Variants in ANKDD1B observed in about 807,000 individuals in gnomAD.
ANKDD1B encodes ankyrin repeat and death domain-containing protein 1B.
In ANKDD1B, 57 loss-of-function variants were observed where a neutral mutation model predicts 59.7. The ratio of observed to expected loss-of-function variants is 0.95; its 90% CI spans 0.77 to 1.19. The LOEUF (loss-of-function observed/expected upper bound fraction) is 1.19, where lower values mean the gene tolerates loss of function less well. Ranked by LOEUF, ANKDD1B falls within the 50% of genes most tolerant of loss-of-function variation. The probability of loss-of-function intolerance (pLI) is 0.00; values close to 1 mark genes in which losing one functional copy is unlikely to be tolerated. For synonymous variants in ANKDD1B, 216 were observed against 239.5 expected, an observed-to-expected ratio of 0.90 and a Z score of 0.91; for missense variants, 602 against 641.9, an observed-to-expected ratio of 0.94 and a Z score of 0.67.
chr5:75,663,990 C>G (rs1252463197), intron 11 of ANKDD1B, among the ~76,000 whole-genome samples: 2 of 152,198 alleles, frequency 1.3e-5, no homozygotes, highest in African/African-American at 2.4e-5. Context: ...TTTTGCTGTT[C>G]TTTTATTTTT....
At chr5:75,634,108 C>G (rs1487406036) in intron 5 of ANKDD1B, among the ~76,000 whole-genome samples, 2 of 152,170 alleles carry the variant, frequency 1.3e-5, no homozygotes, top group Non-Finnish European at 2.9e-5. Flanking sequence ...ATTACCCAGC[C>G]TGAGGTATTC....
At position 75,653,317 on chromosome 5, in the gene ANKDD1B, A is replaced by G; in HGVS notation, c.897+77A>G. 5 of 978,200 alleles carry G rather than the reference A, an allele frequency of 5.1e-6. No homozygotes were observed. In the South Asian group the frequency reaches 5.5e-5, roughly 11 times the overall value. 60.6% of individuals were successfully genotyped at this position (978,200 alleles called of 1,614,324 possible). On this transcript the variant is annotated intron_variant, in intron 8 of 13. Transcript: ENST00000601380. ...TGTGTCAGGGAGATGCCCCTTGCAG[A>G]TACGTGTAGGAGATGAGATGTTTCA...
rs890737668 is a variant in ANKDD1B at position 75,654,831 on chromosome 5, C to T, written c.898-1198C>T. Among the ~76,000 whole-genome samples the T allele has an allele frequency of 2.6e-5, 4 of 152,160 alleles. 1 individual carries two copies. The South Asian group carries it at 6.2e-4, about 24-fold the overall frequency. On this transcript the variant is annotated intron_variant, in intron 8 of 13. Coordinates refer to ENST00000601380, the MANE Select transcript of ANKDD1B (RefSeq NM_001276713.2). ...TGTCCTAATCACTCACCCTCGTAGG[C>T]GCCTGTTCCCTCTCGCCACTCGCTT...
rs1280677484 is a variant in ANKDD1B at position 75,659,362 on chromosome 5, A to C, written c.1076A>C (p.Asp359Ala). 2.0e-6 allele frequency: 3 copies of C among 1,535,794 alleles called. No individual in the cohort carries two copies. The highest frequency in any genetic ancestry group is 2.6e-6 in the Non-Finnish European group (3 of 1,146,732). ...LVETLLKAGC[D>A]LKAVDKQGKT... is the part of the protein sequence containing the mutation. ...GAAACCCTGCTGAAGGCAGGCTGTG[A>C]CTTGAAGGCTGTTGACAAGGTAAGT... Residue 359 changes from aspartate to alanine, a missense_variant, in exon 10 of 14, where the codon GAC (aspartate) becomes GCC (alanine). Around this residue, in one of 3 missense-constraint regions of ANKDD1B, gnomAD observed 280 missense variants for 319.8 expected, o/e 0.88. Coordinates refer to ENST00000601380, the MANE Select transcript of ANKDD1B (RefSeq NM_001276713.2).
chr5:75,631,971 G>A (rs766102626), intron 5 of ANKDD1B, among the ~76,000 whole-genome samples: 1 of 152,028 alleles, frequency 6.6e-6, no homozygotes, highest in Admixed American at 6.6e-5. Flanking sequence ...GCTGGGCATT[G>A]TGGTGCGCGC....
intron 5 of ANKDD1B, among the ~76,000 whole-genome samples, chr5:75,631,831 C>T (rs764651685): frequency 3.3e-5 from 5 of 152,050 alleles, no homozygotes; most frequent in South Asian, 2.1e-4. Flanking sequence ...GTGGGCTAGG[C>T]GCGGTGGCTC....
chr5:75,650,114 C>T (rs1435274317), intron 7 of ANKDD1B, among the ~76,000 whole-genome samples: 1 of 152,136 alleles, frequency 6.6e-6, no homozygotes, highest in Non-Finnish European at 1.5e-5. Flanking sequence ...GTCAGGTTCC[C>T]CACCCCAGAG....
intron 7 of ANKDD1B, 72 bp from the exon 8 acceptor site, chr5:75,653,070 T>A (rs969444797): frequency 3.9e-6 from 4 of 1,013,512 alleles, no homozygotes; most frequent in Non-Finnish European, 6.0e-6. Context: ...CTGATTACCA[T>A]GTCATAAACA....
rs1200907896 is a variant in ANKDD1B, at chr5:75,659,387, T to C, written c.1095+6T>C. The C allele has an allele frequency of 6.5e-7, 1 of 1,529,864 alleles. No individual in the cohort carries two copies. The highest frequency in any genetic ancestry group is 8.8e-7 in the Non-Finnish European group (1 of 1,141,136). 94.8% of individuals were successfully genotyped at this position (1,529,864 alleles called of 1,614,324 possible). A position where few individuals can be genotyped will look rare whatever the true frequency, so the allele number is the denominator to read the frequency against. On this transcript the variant is annotated splice_donor_region_variant and intron_variant, in intron 10 of 13. Transcript: ENST00000601380. Reference sequence around the variant, plus strand: ...ACTTGAAGGCTGTTGACAAGGTAAGTGCATGGACTTTACTCCATTCAGCTG... The same window carrying C: ...ACTTGAAGGCTGTTGACAAGGTAAGCGCATGGACTTTACTCCATTCAGCTG...
intron 5 of ANKDD1B, among the ~76,000 whole-genome samples, chr5:75,626,782 G>GC (rs1774006446): frequency 6.8e-6 from 1 of 146,566 alleles, no homozygotes; most frequent in Non-Finnish European, 1.5e-5. Flanking sequence ...TCTAGGCCTT[G>GC]TTTTTTTTTT....
chr5:75,637,623 A>T (rs1774352851), intron 7 of ANKDD1B, among the ~76,000 whole-genome samples: 1 of 152,194 alleles, frequency 6.6e-6, no homozygotes, highest in African/African-American at 2.4e-5. Flanking sequence ...TATCACTTAA[A>T]ATATTTATTT....
chr5:75,669,471 C>T, intron 13 of ANKDD1B, 88 bp downstream of exon 13: 1 of 1,147,782 alleles, frequency 8.7e-7, no homozygotes, highest in South Asian at 4.5e-5. Flanking sequence ...CCAGCTACAG[C>T]CCCAGCGTGG....
At chr5:75,660,412 G>A (rs1006456518) in intron 10 of ANKDD1B, among the ~76,000 whole-genome samples, 4 of 152,212 alleles carry the variant, frequency 2.6e-5, no homozygotes, top group Non-Finnish European at 5.9e-5. Flanking sequence ...CTATGTTGTA[G>A]CATGTGTCAG....
In ANKDD1B at chr5:75,670,480, C is replaced by T. The variant is rs746576834; in HGVS notation, c.1526-499C>T. Among the ~76,000 whole-genome samples, 8 of 152,112 alleles carry T rather than the reference C, an allele frequency of 5.3e-5. No homozygotes were observed. The South Asian group carries it at 1.0e-3, about 20-fold the overall frequency. ...TCCAATTTTTCAGAAATTGATGATT[C>T]GGATGATTCAGACTATTCTGATGTT... On this transcript the variant is annotated intron_variant, in intron 13 of 13. Transcript: ENST00000601380.
At position 75,671,074 on chromosome 5, in the gene ANKDD1B, A is replaced by T; in HGVS notation, c.*34A>T. The T allele has an allele frequency of 1.9e-6, 2 of 1,071,208 alleles. No individual in the cohort carries two copies. Among genetic ancestry groups the T allele is most frequent in the Non-Finnish European group, 2.4e-6 (2 of 841,032 alleles). The allele number at this position is 1,071,208 out of a possible 1,614,324, so 66.4% of individuals were successfully genotyped here. On this transcript the variant is annotated 3_prime_UTR_variant, in exon 14 of 14. Transcript: ENST00000601380. Reference sequence around the variant, plus strand: ...AGAAATTGTATTTACATGATTTTCCACTCAGCATTCAGTTCTTTTAATGCC... The same window carrying T: ...AGAAATTGTATTTACATGATTTTCCTCTCAGCATTCAGTTCTTTTAATGCC...
chr5:75,641,953 G>A (rs1441592789), intron 7 of ANKDD1B, among the ~76,000 whole-genome samples: 1 of 152,194 alleles, frequency 6.6e-6, no homozygotes, highest in African/African-American at 2.4e-5. Context: ...TGAAAGGTAG[G>A]AGAAGGCTGA....
chr5:75,663,562 G>A (rs1459677752), intron 11 of ANKDD1B, 73 bp downstream of exon 11: 4 of 1,208,428 alleles, frequency 3.3e-6, no homozygotes, highest in Non-Finnish European at 4.7e-6. Context: ...GCAATGGGGG[G>A]GTCTGTGCCA....
intron 3 of ANKDD1B, among the ~76,000 whole-genome samples, chr5:75,621,521 T>C (rs946379588): frequency 5.3e-5 from 8 of 152,180 alleles, no homozygotes; most frequent in African/African-American, 1.9e-4. Context: ...GTACGTTCCA[T>C]GCATTCTTTC....
At chr5:75,653,410 A>G (rs1471198247) in intron 8 of ANKDD1B, among the ~76,000 whole-genome samples, 170 bp downstream of exon 8, 1 of 152,214 alleles carries the variant, frequency 6.6e-6, no homozygotes, top group Non-Finnish European at 1.5e-5. Context: ...ATCTTGAGAA[A>G]TAAAATCCGA....
Sources: allele counts gnomAD v4.1 joint callset (sites outside exome capture counted in the v4.1 genomes callset), GRCh38; gene constraint gnomAD v4.1.1; regional missense constraint gnomAD v4.1.1; transcripts MANE v1.5; gene names NCBI Gene and HGNC (gene_info 2026-07-23, HGNC 2026-07-21).